SORCS2: variants seen among roughly 807,000 people sequenced by gnomAD.
The protein encoded by SORCS2 is VPS10 domain-containing receptor SorCS2.
In SORCS2, 100 loss-of-function variants were observed where a neutral mutation model predicts 141.6. The ratio of observed to expected loss-of-function variants is 0.71; its 90% CI spans 0.60 to 0.83. The LOEUF (loss-of-function observed/expected upper bound fraction) is 0.83. Ranked by LOEUF, SORCS2 falls within the 40% of genes least tolerant of loss-of-function variation. SORCS2 has a pLI of 0.00. For missense variants in SORCS2, 1,646 were observed against 1,560.2 expected, an observed-to-expected ratio of 1.05 and a Z score of -0.93; for synonymous variants, 789 against 676.9, an observed-to-expected ratio of 1.17 and a Z score of -2.57.
chr4:7,642,273 G>A (rs1720800280), intron 4 of SORCS2, among the ~76,000 whole-genome samples: 1 of 152,246 alleles, frequency 6.6e-6, no homozygotes. Flanking sequence ...GATGGCTTGT[G>A]CTTCTGGGTA....
chr4:7,724,154 G>GGAATGGA (rs1726827672), intron 19 of SORCS2, among the ~76,000 whole-genome samples: 5 of 147,576 alleles, frequency 3.4e-5, no homozygotes, highest in African/African-American at 1.3e-4. Flanking sequence ...GGTCGTGGTG[G>GGAATGGA]TGGTGGTGAT....
chr4:7,516,515 G>A (rs1732992328), intron 2 of SORCS2, among the ~76,000 whole-genome samples: 1 of 152,086 alleles, frequency 6.6e-6, no homozygotes, highest in Non-Finnish European at 1.5e-5. Flanking sequence ...TTTGGCTGTT[G>A]CGTCTGCAGA....
chr4:7,602,985 C>A (rs139314505), intron 3 of SORCS2, among the ~76,000 whole-genome samples: 1 of 152,204 alleles, frequency 6.6e-6, no homozygotes, highest in Admixed American at 6.5e-5. Flanking sequence ...GGCAAAACCC[C>A]GTCTCCACCA....
intron 8 of SORCS2, among the ~76,000 whole-genome samples, chr4:7,671,634 G>T (rs1484213240): frequency 1.3e-5 from 2 of 152,124 alleles, no homozygotes; most frequent in African/African-American, 2.4e-5. Context: ...AGAACTTAAA[G>T]ATAAGACAAT....
chr4:7,460,967 C>G (rs4388089), intron 2 of SORCS2, among the ~76,000 whole-genome samples: 3,081 of 152,214 alleles, frequency 0.02, 79 homozygotes, highest in African/African-American at 0.064. Context: ...ATTTCTCCCC[C>G]CTCTCTTTCC....
At chr4:7,717,584 C>T (rs1013683568) in intron 17 of SORCS2, among the ~76,000 whole-genome samples, 1 of 152,190 alleles carries the variant, frequency 6.6e-6, no homozygotes, top group Non-Finnish European at 1.5e-5. Context: ...ATGGTTACGG[C>T]CACACTGTGA....
chr4:7,643,224 T>C (rs2108877002), intron 4 of SORCS2, among the ~76,000 whole-genome samples: 1 of 152,252 alleles, frequency 6.6e-6, no homozygotes, highest in East Asian at 1.9e-4. Flanking sequence ...CAGCATAATA[T>C]GCATTTCTTC....
chr4:7,382,019 G>A (rs1213657924), intron 1 of SORCS2: 2 of 981,052 alleles, frequency 2.0e-6, no homozygotes, highest in African/African-American at 1.7e-5. Flanking sequence ...ACACAAGGAA[G>A]GAAGGGAGTC....
intron 1 of SORCS2, among the ~76,000 whole-genome samples, chr4:7,329,749 C>G (rs1719524651): frequency 6.6e-6 from 1 of 152,194 alleles, no homozygotes; most frequent in South Asian, 2.1e-4. Flanking sequence ...GACTTCACAA[C>G]AGTGTGAAAG....
At chr4:7,342,809 C>T (rs1720439122) in intron 1 of SORCS2, among the ~76,000 whole-genome samples, 1 of 152,208 alleles carries the variant, frequency 6.6e-6, no homozygotes, top group Non-Finnish European at 1.5e-5. Context: ...CGGTTGTTAA[C>T]CCGCAGAGCT....
At position 7,676,229 on chromosome 4, in the gene SORCS2, G is replaced by GGTGGGTCCAGGGTGGAT. The variant is rs1232536439; in HGVS notation, c.1341+6_1341+22dup. 4 of 1,550,184 alleles carry GGTGGGTCCAGGGTGGAT rather than the reference G, an allele frequency of 2.6e-6. No individual in the cohort carries two copies. The highest frequency in any genetic ancestry group is 3.9e-5 in the Admixed American group (2 of 50,974). ...AGAGCGTGCTCATCGACATCCTGGA[G>GGTGGGTCCAGGGTGGAT]GTGGGTCCAGGGTGGATGTGGGCCA... On this transcript the variant is annotated frameshift_variant and splice_region_variant. Coordinates refer to ENST00000507866, the MANE Select transcript of SORCS2 (RefSeq NM_020777.3). LOFTEE classifies it high-confidence loss of function.
chr4:7,332,545 G>A lies in SORCS2; in HGVS notation c.481-63743G>A, dbSNP rs539419558. On this transcript the variant is annotated intron_variant, in intron 1 of 26. Transcript: ENST00000507866. The stretch of plus-strand genomic sequence containing the variant: ...GACCCTGGCCTAGGCAACACTCTCC[G>A]GGCTGGGCATGTTGACGGCAGACTT... 1.2e-3 allele frequency among the ~76,000 whole-genome samples: 177 copies of A among 152,294 alleles called. 2 individuals carry two copies. The highest frequency in any genetic ancestry group is 9.7e-4 in the Non-Finnish European group (66 of 68,018).
At chr4:7,565,532 A>T (rs1354657048) in intron 3 of SORCS2, among the ~76,000 whole-genome samples, 2 of 152,218 alleles carry the variant, frequency 1.3e-5, no homozygotes, top group Admixed American at 1.3e-4. Flanking sequence ...GATAAAGAAG[A>T]TGATGGTGAC....
At chr4:7,281,553 C>T (rs1212870910) in intron 1 of SORCS2, among the ~76,000 whole-genome samples, 2 of 152,150 alleles carry the variant, frequency 1.3e-5, no homozygotes, top group African/African-American at 2.4e-5. Context: ...CAAACAAGAG[C>T]GTTCCATCCT....
intron 3 of SORCS2, among the ~76,000 whole-genome samples, chr4:7,605,950 C>T (rs1032498824): frequency 1.3e-5 from 2 of 152,130 alleles, no homozygotes; most frequent in South Asian, 2.1e-4. Flanking sequence ...AGGACCTGCA[C>T]CAGTGAAGTT....
chr4:7,389,198 C>T (rs1329553990), intron 1 of SORCS2, among the ~76,000 whole-genome samples: 2 of 152,208 alleles, frequency 1.3e-5, no homozygotes, highest in Admixed American at 1.3e-4. Context: ...GGCTGGAGGT[C>T]TTCGTCCATG....
At chr4:7,551,921 C>T (rs750512475) in intron 3 of SORCS2, among the ~76,000 whole-genome samples, 5 of 152,204 alleles carry the variant, frequency 3.3e-5, no homozygotes, top group Non-Finnish European at 7.3e-5. Context: ...AGAATAATTA[C>T]ATGGGTAATT....
intron 1 of SORCS2, among the ~76,000 whole-genome samples, chr4:7,295,258 C>T (rs111726077): frequency 1.7e-3 from 243 of 139,762 alleles, no homozygotes; most frequent in Middle Eastern, 0.01. Context: ...CCATTATGGC[C>T]GCCCACACAA....
At chr4:7,482,355 C>G (rs62277653) in intron 2 of SORCS2, among the ~76,000 whole-genome samples, 75 of 42,510 alleles carry the variant, frequency 1.8e-3, no homozygotes, top group African/African-American at 3.1e-3. Context: ...GCGGACACCC[C>G]TGACGCCGTT....
Sources: gnomAD v4.1 joint callset for allele counts (sites outside exome capture counted in the v4.1 genomes callset) on GRCh38, gnomAD v4.1.1 for gene constraint, MANE v1.5 for transcripts, NCBI Gene and HGNC (gene_info 2026-07-23, HGNC 2026-07-21) for gene names.